Variants in MMAB observed in about 807,000 individuals in gnomAD.
MMAB encodes metabolism of cobalamin associated B, also known as corrinoid adenosyltransferase MMAB.
A neutral mutation model predicts 30.6 loss-of-function variants in MMAB; 17 were observed. The observed-to-expected ratio is 0.56, with a 90% CI of 0.38 to 0.83. The LOEUF is 0.83. MMAB is among the 40% of genes least tolerant of loss of function. MMAB has a pLI of 0.00. For missense variants in MMAB, 311 were observed against 331.6 expected (o/e 0.94, Z 0.48); for synonymous variants, 134 against 138.6 (o/e 0.97, Z 0.23).
At chr12:109,570,156 G>A (rs894171461) in intron 2 of MMAB, 6 of 246,084 alleles carry the variant, frequency 2.4e-5, no homozygotes, top group African/African-American at 4.7e-5. Context: ...CCAGCTATTC[G>A]CGAGGCTGAG....
Position 109,561,597 on chromosome 12 carries a change from TC to T in MMAB, c.422-81del. The T allele has an allele frequency of 7.6e-7, 1 of 1,322,248 alleles. No individual in the cohort carries two copies. The highest frequency in any genetic ancestry group is 1.5e-5 in the African/African-American group (1 of 68,742). 81.9% of individuals were successfully genotyped at this position (1,322,248 alleles called of 1,614,324 possible). A position where few individuals can be genotyped will look rare whatever the true frequency, so the allele number is the denominator to read the frequency against. ...TGGCGGGAACCACCCCCGCCGCCCTTCCACCTGGGTGTCCCGCAGACTGCTT... is the reference window on the plus strand; with the variant it reads ...TGGCGGGAACCACCCCCGCCGCCCTTCACCTGGGTGTCCCGCAGACTGCTT... On this transcript the variant is annotated intron_variant, in intron 5 of 8. Coordinates refer to ENST00000545712, the MANE Select transcript of MMAB (RefSeq NM_052845.4). This position sits in a 1 kb window ranked among gnomAD's most constrained non-coding sequence, Gnocchi z 5.3.
chr12:109,566,847 T>C (rs1884446622), intron 3 of MMAB, among the ~76,000 whole-genome samples: 1 of 152,182 alleles, frequency 6.6e-6, no homozygotes, highest in Non-Finnish European at 1.5e-5. Context: ...TTAGAGCTCA[T>C]TAGAATAGCT....
rs10623308 is a variant in MMAB at position 109,555,153 on chromosome 12, TTA to T, written c.*1873_*1874del. The T allele has an allele frequency of 1.4e-3, 556 of 402,588 alleles. No homozygotes were observed. The highest frequency in any genetic ancestry group is 2.5e-3 in the South Asian group (134 of 53,110). The allele number at this position is 402,588 out of a possible 1,614,324, so 24.9% of individuals were successfully genotyped here. ...AGGCATGCAGGGCTGCTGTGTTATT[TTA>T]TATATATATATATATTCCAGGAAGA... On this transcript the variant is annotated 3_prime_UTR_variant, in exon 9 of 9. Transcript: ENST00000545712.
rs1883874162 is a variant in MMAB, at chr12:109,553,842, G to A, written c.*3186C>T. On this transcript the variant is annotated 3_prime_UTR_variant, in exon 9 of 9. Coordinates refer to ENST00000545712, the MANE Select transcript of MMAB (RefSeq NM_052845.4). ...GGGCGATCATAAAACTGAATGGGCTGTCGGAAGGTGTCGAGGCAGCAGCAA... is the reference window on the plus strand; with the variant it reads ...GGGCGATCATAAAACTGAATGGGCTATCGGAAGGTGTCGAGGCAGCAGCAA... 1 of 453,902 alleles carries A rather than the reference G, an allele frequency of 2.2e-6. No individual in the cohort carries two copies. The highest frequency in any genetic ancestry group is 1.6e-5 in the South Asian group (1 of 64,482). 28.1% of individuals were successfully genotyped at this position (453,902 alleles called of 1,614,324 possible).
chr12:109,561,023 C>G lies in MMAB; in HGVS notation c.584+17G>C, dbSNP rs1884174033. On this transcript the variant is annotated intron_variant, in intron 7 of 8. Transcript: ENST00000545712. The surrounding 1 kb of genome is among the most constrained non-coding windows in gnomAD (Gnocchi z 5.3). ...TCCCTCTCCCTTGGGCCCTCTCCCTCTCTCCAGCCCTCTTACCGTCTCTCG... is the reference window on the plus strand; with the variant it reads ...TCCCTCTCCCTTGGGCCCTCTCCCTGTCTCCAGCCCTCTTACCGTCTCTCG... 1 of 1,596,796 alleles carries G rather than the reference C, an allele frequency of 6.3e-7. No homozygotes were observed. The highest frequency in any genetic ancestry group is 1.3e-5 in the African/African-American group (1 of 74,374).
chr12:109,558,957 T>C lies in MMAB; in HGVS notation c.644+139A>G, dbSNP rs2136194859. 1.4e-6 allele frequency: 1 copy of C among 709,286 alleles called. No individual in the cohort carries two copies. Among genetic ancestry groups the C allele is most frequent in the South Asian group, 1.5e-5 (1 of 66,792 alleles). 43.9% of individuals were successfully genotyped at this position (709,286 alleles called of 1,614,324 possible). A position where few individuals can be genotyped will look rare whatever the true frequency, so the allele number is the denominator to read the frequency against. ...GGCGTGGTGCCTGGCACAGAGCAGA[T>C]GTTCATAAACACTAAGGGAATGAAG... On this transcript the variant is annotated intron_variant, in intron 8 of 8. Transcript: ENST00000545712. The surrounding 1 kb of genome is among the most constrained non-coding windows in gnomAD (Gnocchi z 4.3).
intron 3 of MMAB, chr12:109,568,379 C>T (rs1884512555): frequency 9.8e-5 from 30 of 304,870 alleles, no homozygotes; most frequent in South Asian, 9.7e-4. Context: ...CTTGAGTCCA[C>T]CTTCTAAACT....
At position 109,571,645 on chromosome 12, in the gene MMAB, C is replaced by T; in HGVS notation, c.196+4G>A. ...TTTGCATTTTTCACCTGTCCCCACCCTACCTTTGTCTCCCGTTTTGGTGTA... is the reference window on the plus strand; with the variant it reads ...TTTGCATTTTTCACCTGTCCCCACCTTACCTTTGTCTCCCGTTTTGGTGTA... On this transcript the variant is annotated splice_donor_region_variant and intron_variant, in intron 2 of 8. Coordinates refer to ENST00000545712, the MANE Select transcript of MMAB (RefSeq NM_052845.4). The T allele has an allele frequency of 1.9e-6, 3 of 1,613,840 alleles. No homozygotes were observed. The highest frequency in any genetic ancestry group is 2.5e-6 in the Non-Finnish European group (3 of 1,179,704).
chr12:109,554,927 GT>G lies in MMAB; in HGVS notation c.*2100del, dbSNP rs1278900379. On this transcript the variant is annotated 3_prime_UTR_variant, in exon 9 of 9. Transcript: ENST00000545712. ...CACCCAGGTGGTTTCTCAGAGAAGT[GT>G]TTGCTGGTGAACCGGGAGACAGATA... 8 of 454,020 alleles carry G rather than the reference GT, an allele frequency of 1.8e-5. No homozygotes were observed. Among genetic ancestry groups the G allele is most frequent in the Non-Finnish European group, 2.6e-5 (6 of 226,804 alleles). The allele number at this position is 454,020 out of a possible 1,614,324, so 28.1% of individuals were successfully genotyped here.
chr12:109,563,737 G>A (rs1390957862), intron 4 of MMAB, among the ~76,000 whole-genome samples: 5 of 152,248 alleles, frequency 3.3e-5, no homozygotes, highest in Admixed American at 3.3e-4. Context: ...TGTTCTGGCA[G>A]CTGAGGCTTC....
chr12:109,564,632 T>C (rs1274136389), intron 4 of MMAB, among the ~76,000 whole-genome samples: 1 of 151,650 alleles, frequency 6.6e-6, no homozygotes, highest in Non-Finnish European at 1.5e-5. Context: ...CTTGAAGTGA[T>C]GCTCCCACCT....
At chr12:109,559,035 G>T in intron 8 of MMAB, 61 bp downstream of exon 8, 1 of 1,317,444 alleles carries the variant, frequency 7.6e-7, no homozygotes. Flanking sequence ...CTGCACCGCT[G>T]CTACTTCCCA....
chr12:109,561,739 C>T lies in MMAB; in HGVS notation c.421+41G>A. On this transcript the variant is annotated intron_variant, in intron 5 of 8. Transcript: ENST00000545712. This position sits in a 1 kb window ranked among gnomAD's most constrained non-coding sequence, Gnocchi z 5.3. ...TGGTGACCCTAGGAGAGTCCCCTGA[C>T]CCTAGGGCCCTCTGAACACCCACAG... 6.5e-7 allele frequency: 1 copy of T among 1,544,054 alleles called. No homozygotes were observed. The highest frequency in any genetic ancestry group is 8.8e-7 in the Non-Finnish European group (1 of 1,130,190).
Position 109,556,218 on chromosome 12 carries a change from T to G in MMAB, c.*810A>C. ...CCAAGTGCAACATCGGAGAAATCAG[T>G]CTGGTGGATGTCAGCCTTGCTGGAA... On this transcript the variant is annotated 3_prime_UTR_variant, in exon 9 of 9. Transcript: ENST00000545712. 2.2e-6 allele frequency: 1 copy of G among 454,056 alleles called. No homozygotes were observed. 28.1% of individuals were successfully genotyped at this position (454,056 alleles called of 1,614,324 possible). A position where few individuals can be genotyped will look rare whatever the true frequency, so the allele number is the denominator to read the frequency against.
Position 109,554,911 on chromosome 12 carries a change from G to T in MMAB, c.*2117C>A. On this transcript the variant is annotated 3_prime_UTR_variant, in exon 9 of 9. Coordinates refer to ENST00000545712, the MANE Select transcript of MMAB (RefSeq NM_052845.4). ...GGTGGCATCTGCCCTGCACCCAGGT[G>T]GTTTCTCAGAGAAGTGTTTGCTGGT... The T allele has an allele frequency of 2.2e-6, 1 of 454,112 alleles. No homozygotes were observed. Among genetic ancestry groups the T allele is most frequent in the Non-Finnish European group, 4.4e-6 (1 of 226,794 alleles). 28.1% of individuals were successfully genotyped at this position (454,112 alleles called of 1,614,324 possible).
chr12:109,554,526 G>A lies in MMAB; in HGVS notation c.*2502C>T, dbSNP rs1479086049. The A allele has an allele frequency of 1.8e-5, 8 of 454,076 alleles. No homozygotes were observed. Among genetic ancestry groups the A allele is most frequent in the East Asian group, 1.4e-4 (2 of 14,402 alleles). The allele number at this position is 454,076 out of a possible 1,614,324, so 28.1% of individuals were successfully genotyped here. A position where few individuals can be genotyped will look rare whatever the true frequency, so the allele number is the denominator to read the frequency against. The stretch of plus-strand genomic sequence containing the variant: ...AAATCTACGATAAGCAAGGGATCAC[G>A]ACTTTAAATAAAAACAGGCTGCTGT... On this transcript the variant is annotated 3_prime_UTR_variant, in exon 9 of 9. Transcript: ENST00000545712.
In MMAB at chr12:109,561,638, G is replaced by T; in HGVS notation, c.422-121C>A. 1.6e-6 allele frequency: 2 copies of T among 1,215,664 alleles called. No homozygotes were observed. The highest frequency in any genetic ancestry group is 2.4e-6 in the Non-Finnish European group (2 of 849,380). The allele number at this position is 1,215,664 out of a possible 1,614,324, so 75.3% of individuals were successfully genotyped here. On this transcript the variant is annotated intron_variant, in intron 5 of 8. Transcript: ENST00000545712. This position sits in a 1 kb window ranked among gnomAD's most constrained non-coding sequence, Gnocchi z 5.3. ...GCAGACTGCTTCCACTGGCTCAGAA[G>T]GTACCTTCCCTCCCAGGAGCTACGA...
Position 109,555,685 on chromosome 12 carries a change from T to C in MMAB, c.*1343A>G, listed in dbSNP as rs1883949575. 2.2e-6 allele frequency: 1 copy of C among 453,450 alleles called. No homozygotes were observed. The highest frequency in any genetic ancestry group is 4.4e-6 in the Non-Finnish European group (1 of 226,538). 28.1% of individuals were successfully genotyped at this position (453,450 alleles called of 1,614,324 possible). A position where few individuals can be genotyped will look rare whatever the true frequency, so the allele number is the denominator to read the frequency against. Reference sequence around the variant, plus strand: ...AGGCATTCACACACTCCTGGTCATCTGCACCTCACCCACCCTGCCCAAGGC... The same window carrying C: ...AGGCATTCACACACTCCTGGTCATCCGCACCTCACCCACCCTGCCCAAGGC... On this transcript the variant is annotated 3_prime_UTR_variant, in exon 9 of 9. Coordinates refer to ENST00000545712, the MANE Select transcript of MMAB (RefSeq NM_052845.4).
In MMAB at chr12:109,553,836, T is replaced by C. The variant is rs1426057350; in HGVS notation, c.*3192A>G. On this transcript the variant is annotated 3_prime_UTR_variant, in exon 9 of 9. Transcript: ENST00000545712. Reference sequence around the variant, plus strand: ...GGGACAGGGCGATCATAAAACTGAATGGGCTGTCGGAAGGTGTCGAGGCAG... The same window carrying C: ...GGGACAGGGCGATCATAAAACTGAACGGGCTGTCGGAAGGTGTCGAGGCAG... 2.2e-6 allele frequency: 1 copy of C among 453,506 alleles called. No homozygotes were observed. The highest frequency in any genetic ancestry group is 4.4e-6 in the Non-Finnish European group (1 of 226,350). The allele number at this position is 453,506 out of a possible 1,614,324, so 28.1% of individuals were successfully genotyped here. A position where few individuals can be genotyped will look rare whatever the true frequency, so the allele number is the denominator to read the frequency against.
Sources: gnomAD v4.1 joint callset for allele counts (sites outside exome capture counted in the v4.1 genomes callset) on GRCh38, gnomAD v4.1.1 for gene constraint, Gnocchi (gnomAD v3.1) non-coding constraint, MANE v1.5 for transcripts, NCBI Gene and HGNC (gene_info 2026-07-23, HGNC 2026-07-21) for gene names.